Variants in LRP1B observed in about 807,000 individuals in gnomAD.
LRP1B encodes low-density lipoprotein receptor-related protein 1B.
Under a neutral mutation model 556.6 loss-of-function variants are expected in LRP1B, and 217 were observed. The ratio of observed to expected loss-of-function variants is 0.39; its 90% CI spans 0.35 to 0.44. The LOEUF (loss-of-function observed/expected upper bound fraction) is 0.44, where lower values mean the gene tolerates loss of function less well. Among genes scored for constraint, LRP1B ranks in the 20% least tolerant of loss-of-function variants. The pLI is 1.00. For missense variants in LRP1B, 5,053 were observed against 5,620.8 expected, an observed-to-expected ratio of 0.90 and a Z score of 3.23; for synonymous variants, 2,047 against 1,865.8, an observed-to-expected ratio of 1.10 and a Z score of -2.50.
At chr2:142,084,929 C>T (rs201767244) in intron 1 of LRP1B, among the ~76,000 whole-genome samples, 7 of 152,170 alleles carry the variant, frequency 4.6e-5, no homozygotes, top group Admixed American at 2.0e-4. Context: ...CAAAATGTTC[C>T]GCCTAGAGTG....
In LRP1B at chr2:140,769,234, C is replaced by G. The variant is rs146520108; in HGVS notation, c.5737G>C (p.Val1913Leu). 52 of 1,611,620 alleles carry G rather than the reference C, an allele frequency of 3.2e-5. No homozygotes were observed. The highest frequency in any genetic ancestry group is 1.6e-4 in the Middle Eastern group (1 of 6,068). The stretch of plus-strand genomic sequence containing the variant: ...TTACCTGCATGGAAATCTATTCCCA[C>G]GGCAAATGAAGTTCCTGATATAGGC... Reference protein sequence around the residue: ...LMPISGTSFAVGIDFHAENDT... With the variant: ...LMPISGTSFALGIDFHAENDT... The change falls in exon 35 of 91, where the codon GTG (valine) becomes CTG (leucine). Residue 1913 changes from valine to leucine, a missense_variant. This residue lies in a region of LRP1B where 3,619 missense variants were observed against 3,931.9 expected (regional missense o/e 0.92). Coordinates refer to ENST00000389484, the MANE Select transcript of LRP1B (RefSeq NM_018557.3).
intron 2 of LRP1B, among the ~76,000 whole-genome samples, chr2:141,682,216 A>T (rs1691130001): frequency 6.6e-6 from 1 of 152,136 alleles, no homozygotes; most frequent in Non-Finnish European, 1.5e-5. Context: ...TGAAAAAGAA[A>T]ATGCAATAGT....
chr2:141,276,008 T>C (rs979718027), intron 3 of LRP1B, among the ~76,000 whole-genome samples: 1 of 152,196 alleles, frequency 6.6e-6, no homozygotes, highest in Non-Finnish European at 1.5e-5. Flanking sequence ...AGTTTTCACA[T>C]ATAATCAGTG....
At chr2:140,575,465 A>C (rs1574095923) in intron 43 of LRP1B, among the ~76,000 whole-genome samples, 1 of 152,194 alleles carries the variant, frequency 6.6e-6, no homozygotes. Context: ...GTTTTCCAAT[A>C]GAGTTAATGG....
At chr2:140,835,463 G>A (rs760687924) in intron 31 of LRP1B, among the ~76,000 whole-genome samples, 10 of 151,976 alleles carry the variant, frequency 6.6e-5, no homozygotes, top group African/African-American at 1.7e-4. Context: ...ATAACCTGCC[G>A]CCAGGCTCCA....
intron 2 of LRP1B, among the ~76,000 whole-genome samples, chr2:141,791,540 A>G (rs1359000864): frequency 6.6e-6 from 1 of 152,074 alleles, no homozygotes; most frequent in East Asian, 1.9e-4. Context: ...ACAATTAGAG[A>G]TCAGACTTTA....
chr2:140,939,553 A>C (rs1467451896), intron 20 of LRP1B, among the ~76,000 whole-genome samples: 1 of 148,750 alleles, frequency 6.7e-6, no homozygotes, highest in African/African-American at 2.4e-5. Flanking sequence ...TTGTAGGTCA[A>C]TACATGCTTA....
intron 2 of LRP1B, among the ~76,000 whole-genome samples, chr2:141,778,553 C>A (rs1189825497): frequency 1.4e-5 from 2 of 147,526 alleles, no homozygotes; most frequent in Non-Finnish European, 3.0e-5. Flanking sequence ...TTATTCAGAA[C>A]TTTGTGGTAA....
chr2:141,756,139 T>C (rs1478817845), intron 2 of LRP1B, among the ~76,000 whole-genome samples: 1 of 152,116 alleles, frequency 6.6e-6, no homozygotes, highest in Non-Finnish European at 1.5e-5. Context: ...CCTCTTACCT[T>C]CTTCTGCATC....
At chr2:141,005,676 T>C (rs1697552665) in intron 14 of LRP1B, among the ~76,000 whole-genome samples, 1 of 151,978 alleles carries the variant, frequency 6.6e-6, no homozygotes, top group African/African-American at 2.4e-5. Flanking sequence ...TTGGAGGAGA[T>C]AGAGGTCTGA....
chr2:141,287,162 A>G (rs1343639502), intron 3 of LRP1B, among the ~76,000 whole-genome samples: 2 of 152,248 alleles, frequency 1.3e-5, no homozygotes, highest in East Asian at 3.9e-4. Context: ...ATTTGTTAAC[A>G]TTCTCTATTA....
chr2:141,888,991 T>C (rs1699204416), intron 1 of LRP1B, among the ~76,000 whole-genome samples: 3 of 152,112 alleles, frequency 2.0e-5, no homozygotes, highest in Admixed American at 2.0e-4. Flanking sequence ...TTGAATAACC[T>C]GAAAAGCACT....
chr2:140,524,141 T>C (rs1434522324), intron 49 of LRP1B, among the ~76,000 whole-genome samples: 4 of 150,242 alleles, frequency 2.7e-5, no homozygotes, highest in African/African-American at 2.4e-5. Context: ...AAAAAACAAA[T>C]AACCCCATTA....
intron 87 of LRP1B, 123 bp from the exon 88 acceptor site, chr2:140,239,655 T>C: frequency 1.9e-6 from 1 of 529,598 alleles, no homozygotes; most frequent in Non-Finnish European, 3.3e-6. Context: ...AGCCCAAATG[T>C]TTATATTTCG....
At chr2:140,716,580 A>G (rs1687217668) in intron 36 of LRP1B, 102 bp downstream of exon 36, 6 of 1,202,392 alleles carry the variant, frequency 5.0e-6, no homozygotes, top group Non-Finnish European at 5.7e-6. Flanking sequence ...TAGAAGTACA[A>G]ATAAAAGCAC....
At chr2:140,234,316 C>T (rs1680601572) in intron 90 of LRP1B, among the ~76,000 whole-genome samples, 1 of 151,198 alleles carries the variant, frequency 6.6e-6, no homozygotes, top group Admixed American at 6.6e-5. Context: ...ACACCAGTTA[C>T]TTAATTGAAA....
At chr2:140,500,336 A>G (rs1046379445) in intron 55 of LRP1B, among the ~76,000 whole-genome samples, 7 of 152,008 alleles carry the variant, frequency 4.6e-5, no homozygotes, top group Non-Finnish European at 1.0e-4. Flanking sequence ...AATACCAGAA[A>G]TTCAGAACTT....
intron 14 of LRP1B, among the ~76,000 whole-genome samples, chr2:141,009,403 T>C (rs1697675314): frequency 6.6e-6 from 1 of 151,964 alleles, no homozygotes; most frequent in Non-Finnish European, 1.5e-5. Flanking sequence ...CTTACTTTTT[T>C]TCTCTTTCAG....
At chr2:141,673,212 C>T (rs2105416312) in intron 2 of LRP1B, among the ~76,000 whole-genome samples, 1 of 152,168 alleles carries the variant, frequency 6.6e-6, no homozygotes, top group East Asian at 1.9e-4. Context: ...ATCCTGAAAG[C>T]AGTTGTCCTA....
Sources: allele counts gnomAD v4.1 joint callset (sites outside exome capture counted in the v4.1 genomes callset), GRCh38; gene constraint gnomAD v4.1.1; regional missense constraint gnomAD v4.1.1; transcripts MANE v1.5; gene names NCBI Gene and HGNC (gene_info 2026-07-23, HGNC 2026-07-21).